The following ANXA5 variants were observed in gnomAD, a reference collection of about 807,000 sequenced individuals.
ANXA5 encodes CBP-I.
In ANXA5, 40 loss-of-function variants were observed where a neutral mutation model predicts 48.1. The ratio of observed to expected loss-of-function variants is 0.83; its 90% CI spans 0.65 to 1.08. The LOEUF is 1.08. ANXA5 is among the 50% of genes least tolerant of loss of function. The pLI is 0.00. For missense variants in ANXA5, 357 were observed against 376.8 expected (o/e 0.95, Z 0.44); for synonymous variants, 113 against 129.1 (o/e 0.88, Z 0.85).
intron 2 of ANXA5, among the ~76,000 whole-genome samples, chr4:121,694,413 G>C (rs971269305): frequency 1.3e-5 from 2 of 151,980 alleles, no homozygotes; most frequent in African/African-American, 2.4e-5. Context: ...TTGAGACGTA[G>C]TCTCACTGTT....
chr4:121,680,119 A>G (rs1177843836), intron 6 of ANXA5, among the ~76,000 whole-genome samples: 2 of 152,112 alleles, frequency 1.3e-5, no homozygotes, highest in Non-Finnish European at 2.9e-5. Context: ...ATTTTTTTAG[A>G]TTCAACATAA....
chr4:121,668,561 C>T lies in ANXA5; in HGVS notation c.904-34G>A, dbSNP rs888984926. ...AAATGTATTCCATTAACCTCCATGA[C>T]TCACAGAAGCCATAGAAAATTTTAA... On this transcript the variant is annotated intron_variant, in intron 12 of 12. Transcript: ENST00000296511. 2.5e-6 allele frequency: 4 copies of T among 1,589,470 alleles called. No individual in the cohort carries two copies. In the African/African-American group the frequency reaches 4.0e-5, roughly 16 times the overall value.
chr4:121,694,111 G>C (rs550596463), intron 2 of ANXA5, among the ~76,000 whole-genome samples: 1 of 71,170 alleles, frequency 1.4e-5, no homozygotes, highest in African/African-American at 7.3e-5. Flanking sequence ...GCGGGGGGGA[G>C]GGGGGAGGGA....
chr4:121,693,195 C>T (rs1438824569), intron 2 of ANXA5, among the ~76,000 whole-genome samples: 7 of 151,058 alleles, frequency 4.6e-5, no homozygotes, highest in Non-Finnish European at 7.4e-5. Context: ...GATCACGCCA[C>T]GGCACTCCAG....
intron 3 of ANXA5, among the ~76,000 whole-genome samples, chr4:121,686,029 C>T (rs201374128): frequency 8.5e-5 from 12 of 140,370 alleles, no homozygotes; most frequent in South Asian, 4.5e-4. Context: ...AATTTTTTTG[C>T]TTTTTTTTTT....
intron 2 of ANXA5, among the ~76,000 whole-genome samples, chr4:121,695,488 T>G (rs754036738): frequency 1.3e-5 from 2 of 152,250 alleles, no homozygotes; most frequent in Non-Finnish European, 2.9e-5. Flanking sequence ...ACAAGCCGGT[T>G]AGATTGACAA....
intron 2 of ANXA5, 74 bp from the exon 3 acceptor site, chr4:121,686,446 C>T (rs1367129674): frequency 1.7e-5 from 18 of 1,083,676 alleles, no homozygotes; most frequent in South Asian, 1.0e-4. Context: ...AACAGGAAGC[C>T]GCTTGCTATA....
At position 121,672,597 on chromosome 4, in the gene ANXA5, C is replaced by A; in HGVS notation, c.561G>T (p.Trp187Cys). ...TGATAAACTTTTCTTCATCTGTCCC[C>A]CATTTAAGTTCTCCAGCCTGAAATA... ...QALFQAGELKWGTDEEKFITI... is the reference protein window; with the variant it reads ...QALFQAGELKCGTDEEKFITI... Residue 187 changes from tryptophan to cysteine, a missense_variant, in exon 9 of 13, where the codon TGG (tryptophan) becomes TGT (cysteine). Physicochemically the swap from Trp to Cys is radical, Grantham distance 215. Coordinates refer to ENST00000296511, the MANE Select transcript of ANXA5 (RefSeq NM_001154.4). 6.2e-7 allele frequency: 1 copy of A among 1,613,790 alleles called. No homozygotes were observed. Among genetic ancestry groups the A allele is most frequent in the Non-Finnish European group, 8.5e-7 (1 of 1,179,840 alleles).
Position 121,668,539 on chromosome 4 carries a change from T to C in ANXA5, c.904-12A>G, listed in dbSNP as rs935893578. 1.2e-6 allele frequency: 2 copies of C among 1,611,890 alleles called. No homozygotes were observed. Among genetic ancestry groups the C allele is most frequent in the Non-Finnish European group, 1.7e-6 (2 of 1,178,374 alleles). On this transcript the variant is annotated splice_polypyrimidine_tract_variant and intron_variant, in intron 12 of 12. Transcript: ENST00000296511. ...CCAGATGTATCTCCCTGAAACCAAA[T>C]GTATTCCATTAACCTCCATGACTCA...
chr4:121,682,784 C>A (rs981854147), intron 5 of ANXA5, among the ~76,000 whole-genome samples: 18 of 152,088 alleles, frequency 1.2e-4, no homozygotes, highest in African/African-American at 4.1e-4. Context: ...GTCCCATGAG[C>A]CTAAACAAAT....
At chr4:121,690,670 G>C (rs1274968024) in intron 2 of ANXA5, among the ~76,000 whole-genome samples, 1 of 152,174 alleles carries the variant, frequency 6.6e-6, no homozygotes, top group Non-Finnish European at 1.5e-5. Flanking sequence ...AAACAGAAGA[G>C]ACATGAGGGA....
intron 8 of ANXA5, among the ~76,000 whole-genome samples, chr4:121,677,396 G>A (rs1439845351): frequency 6.6e-6 from 1 of 152,118 alleles, no homozygotes; most frequent in African/African-American, 2.4e-5. Context: ...TTTTCATTTG[G>A]AGTCACTAAA....
chr4:121,669,601 C>A lies in ANXA5; in HGVS notation c.903+1G>T. 6.2e-7 allele frequency: 1 copy of A among 1,613,388 alleles called. No homozygotes were observed. The stretch of plus-strand genomic sequence containing the variant: ...CGTAATTTAAAGAAAGGTTCTACTA[C>A]CTTAATCATGGAATAAAGAGAGGTG... On this transcript the variant is annotated splice_donor_variant, in intron 12 of 12. Coordinates refer to ENST00000296511, the MANE Select transcript of ANXA5 (RefSeq NM_001154.4). LOFTEE classifies it high-confidence loss of function.
chr4:121,677,850 A>C (rs1724723105), intron 8 of ANXA5, 44 bp downstream of exon 8: 1 of 1,502,828 alleles, frequency 6.7e-7, no homozygotes. Context: ...TTATTTCTTC[A>C]TTTCTACAGC....
intron 2 of ANXA5, 146 bp from the exon 3 acceptor site, chr4:121,686,518 G>A: frequency 1.5e-6 from 1 of 649,770 alleles, no homozygotes. Flanking sequence ...CTTTTGAACT[G>A]GGAAGGGAAC....
At chr4:121,696,724 G>A in intron 1 of ANXA5, 100 bp from the exon 2 acceptor site, 1 of 754,796 alleles carries the variant, frequency 1.3e-6, no homozygotes, top group Non-Finnish European at 1.9e-6. Context: ...AGACAGCCCG[G>A]AGGGCCCCGC....
At chr4:121,683,834 C>T (rs1724832543) in intron 4 of ANXA5, among the ~76,000 whole-genome samples, 1 of 151,938 alleles carries the variant, frequency 6.6e-6, no homozygotes, top group Admixed American at 6.6e-5. Flanking sequence ...ATGAAATTTA[C>T]AAAGGACAAC....
In ANXA5 at chr4:121,668,381, C is replaced by T; in HGVS notation, c.*87G>A. On this transcript the variant is annotated 3_prime_UTR_variant, in exon 13 of 13. Transcript: ENST00000296511. The stretch of plus-strand genomic sequence containing the variant: ...AGTATGAATAAGGCAATGTGTTAAG[C>T]ACTGGCATACAAATGCAGCTAAAGG... 5 of 1,144,208 alleles carry T rather than the reference C, an allele frequency of 4.4e-6. No homozygotes were observed. Among genetic ancestry groups the T allele is most frequent in the Non-Finnish European group, 6.6e-6 (5 of 754,656 alleles). The allele number at this position is 1,144,208 out of a possible 1,614,324, so 70.9% of individuals were successfully genotyped here. A position where few individuals can be genotyped will look rare whatever the true frequency, so the allele number is the denominator to read the frequency against.
chr4:121,668,526 C>T lies in ANXA5; in HGVS notation c.905G>A (p.Gly302Glu). Reference protein sequence around the residue: ...FATSLYSMIKGDTSGDYKKAL... With the variant: ...FATSLYSMIKEDTSGDYKKAL... ...TTTCTTATAGTCCCCAGATGTATCT[C>T]CCTGAAACCAAATGTATTCCATTAA... Residue 302 changes from glycine (G) to glutamate (E), a missense_variant and splice_region_variant, in exon 13 of 13, where the codon GGA (glycine) becomes GAA (glutamate). By Grantham distance (98) the Gly-to-Glu change is moderately conservative. Transcript: ENST00000296511. The T allele has an allele frequency of 1.2e-6, 2 of 1,613,186 alleles. No homozygotes were observed. The highest frequency in any genetic ancestry group is 1.7e-6 in the Non-Finnish European group (2 of 1,179,366).
Sources: allele counts gnomAD v4.1 joint callset (sites outside exome capture counted in the v4.1 genomes callset), GRCh38; gene constraint gnomAD v4.1.1; transcripts MANE v1.5; gene names NCBI Gene and HGNC (gene_info 2026-07-23, HGNC 2026-07-21).